The following PRKAG2 variants were observed in gnomAD, a reference collection of about 807,000 sequenced individuals.
PRKAG2 encodes the protein 5'-AMP-activated protein kinase subunit gamma-2.
In PRKAG2, 26 loss-of-function variants were observed where a neutral mutation model predicts 69.6. The observed-to-expected ratio is 0.37, with a 90% CI of 0.27 to 0.52. The LOEUF (loss-of-function observed/expected upper bound fraction) is 0.52. Among genes scored for constraint, PRKAG2 ranks in the 20% least tolerant of loss-of-function variants. The probability of loss-of-function intolerance (pLI) is 0.90; values close to 1 mark genes in which losing one functional copy is unlikely to be tolerated. For synonymous variants in PRKAG2, 293 were observed against 285.0 expected (o/e 1.03, Z -0.28); for missense variants, 557 against 740.0 (o/e 0.75, Z 2.87).
chr7:151,578,102 AG>A (rs1388352823), intron 6 of PRKAG2, among the ~76,000 whole-genome samples: 1 of 151,658 alleles, frequency 6.6e-6, no homozygotes, highest in Non-Finnish European at 1.5e-5. Flanking sequence ...GCACTCTGGG[AG>A]GCCCCCCGAG....
chr7:151,813,675 C>T (rs922200569), intron 1 of PRKAG2, among the ~76,000 whole-genome samples: 3 of 152,240 alleles, frequency 2.0e-5, no homozygotes, highest in Admixed American at 2.0e-4. Context: ...CTCCTCTCCA[C>T]CAGACAGCGG....
At chr7:151,782,230 C>T (rs2076710060) in intron 2 of PRKAG2, among the ~76,000 whole-genome samples, 2 of 151,448 alleles carry the variant, frequency 1.3e-5, no homozygotes. Flanking sequence ...TTGCAGTGAG[C>T]CGAGATGGCG....
chr7:151,771,186 T>A lies in PRKAG2; in HGVS notation c.466+9966A>T, dbSNP rs2076004262. Among the ~76,000 whole-genome samples the A allele has an allele frequency of 6.6e-6, 1 of 152,216 alleles. No homozygotes were observed. Among genetic ancestry groups the A allele is most frequent in the Non-Finnish European group, 1.5e-5 (1 of 68,046 alleles). On this transcript the variant is annotated intron_variant, in intron 3 of 15. Transcript: ENST00000287878. This position sits in a 1 kb window ranked among gnomAD's most constrained non-coding sequence, Gnocchi z 4.0. ...CATTACATGCATGATTTTTACCCTA[T>A]CTTCATTCCAGCTATGTTATTCTTT...
chr7:151,855,750 G>A (rs1311487839), intron 1 of PRKAG2, among the ~76,000 whole-genome samples: 1 of 152,158 alleles, frequency 6.6e-6, no homozygotes, highest in African/African-American at 2.4e-5. Context: ...GGCAGGCAGA[G>A]GGGTGGGGGC....
intron 1 of PRKAG2, among the ~76,000 whole-genome samples, chr7:151,849,100 C>T (rs2079509180): frequency 6.6e-6 from 1 of 152,144 alleles, no homozygotes; most frequent in African/African-American, 2.4e-5. Context: ...CTTTGTGATC[C>T]TGGAATACAG....
chr7:151,761,499 C>T (rs999944903), intron 3 of PRKAG2, among the ~76,000 whole-genome samples: 1 of 152,142 alleles, frequency 6.6e-6, no homozygotes, highest in Non-Finnish European at 1.5e-5. Flanking sequence ...GTCCTGTGGC[C>T]CCACCCAGAG....
intron 2 of PRKAG2, among the ~76,000 whole-genome samples, chr7:151,786,067 C>T (rs1050682669): frequency 6.6e-5 from 10 of 152,186 alleles, no homozygotes; most frequent in South Asian, 6.2e-4. Flanking sequence ...TGGGGGTGGG[C>T]GCTGGTGGGC....
intron 7 of PRKAG2, chr7:151,576,160 C>T (rs868581387): frequency 8.8e-6 from 5 of 566,108 alleles, no homozygotes; most frequent in African/African-American, 1.9e-5. Flanking sequence ...AGGCTGGCCT[C>T]GAACTGCTGG....
chr7:151,567,342 T>C lies in PRKAG2; in HGVS notation c.1233+1374A>G, dbSNP rs919728324. ...CTTTCTTAGCTGCATCCCTATAAAA[T>C]AGGATTAATAAAAATACCTACCTGA... On this transcript the variant is annotated intron_variant, in intron 11 of 15. Coordinates refer to ENST00000287878, the MANE Select transcript of PRKAG2 (RefSeq NM_016203.4). The surrounding 1 kb of genome is among the most constrained non-coding windows in gnomAD (Gnocchi z 4.2). 3.9e-5 allele frequency among the ~76,000 whole-genome samples: 6 copies of C among 152,136 alleles called. No homozygotes were observed. The highest frequency in any genetic ancestry group is 1.2e-4 in the African/African-American group (5 of 41,414).
chr7:151,854,997 ATGC>A (rs1563756362), intron 1 of PRKAG2, among the ~76,000 whole-genome samples: 495 of 7,892 alleles, frequency 0.063, 24 homozygotes, highest in East Asian at 0.15. Flanking sequence ...CACACACACC[ATGC>A]TCCACACACA....
At chr7:151,569,499 G>GACGGC (rs984691780) in intron 10 of PRKAG2, among the ~76,000 whole-genome samples, 4 of 152,256 alleles carry the variant, frequency 2.6e-5, no homozygotes, top group Non-Finnish European at 5.9e-5. Flanking sequence ...TCTACCCCGG[G>GACGGC]CCGGCCCGGC....
At chr7:151,645,049 C>A (rs974110175) in intron 4 of PRKAG2, among the ~76,000 whole-genome samples, 22 of 152,066 alleles carry the variant, frequency 1.4e-4, no homozygotes, top group Non-Finnish European at 2.4e-4. Context: ...ATGAATATGG[C>A]AAGCAGACTC....
At chr7:151,870,397 T>G (rs954117531) in intron 1 of PRKAG2, among the ~76,000 whole-genome samples, 1 of 152,212 alleles carries the variant, frequency 6.6e-6, no homozygotes, top group African/African-American at 2.4e-5. Context: ...TTTTATATTC[T>G]AAACAAACAC....
At chr7:151,803,569 G>A (rs1460073672) in intron 1 of PRKAG2, among the ~76,000 whole-genome samples, 2 of 152,140 alleles carry the variant, frequency 1.3e-5, no homozygotes, top group Admixed American at 1.3e-4. Flanking sequence ...CAGTCCAGTT[G>A]AAAATGATAT....
In PRKAG2 at chr7:151,614,129, A is replaced by G. The variant is rs1212423072; in HGVS notation, c.754+17940T>C. On this transcript the variant is annotated intron_variant, in intron 5 of 15. Transcript: ENST00000287878. This position sits in a 1 kb window ranked among gnomAD's most constrained non-coding sequence, Gnocchi z 4.4. ...GCCGACCAGGAGGTGCCCCGTTCCC[A>G]CGGCTATGCTGAGCGCCCCAGCCAG... is the stretch of plus-strand genomic sequence containing the variant. Among the ~76,000 whole-genome samples the G allele has an allele frequency of 6.6e-6, 1 of 151,990 alleles. No individual in the cohort carries two copies. Among genetic ancestry groups the G allele is most frequent in the Non-Finnish European group, 1.5e-5 (1 of 67,974 alleles).
chr7:151,707,247 G>A (rs1239519405), intron 3 of PRKAG2, among the ~76,000 whole-genome samples: 1 of 152,204 alleles, frequency 6.6e-6, no homozygotes, highest in African/African-American at 2.4e-5. Flanking sequence ...CTGGCAGCAG[G>A]AGAATGAACA....
intron 1 of PRKAG2, among the ~76,000 whole-genome samples, chr7:151,816,116 A>T (rs1259298981): frequency 1.3e-5 from 2 of 152,178 alleles, no homozygotes; most frequent in East Asian, 3.9e-4. Flanking sequence ...CGGCTGAGTC[A>T]GCTGGGACTT....
chr7:151,787,538 C>T (rs2077074007), intron 1 of PRKAG2, among the ~76,000 whole-genome samples: 1 of 152,188 alleles, frequency 6.6e-6, no homozygotes. Context: ...CAGTTCCCTT[C>T]CTTTTGAAGG....
At chr7:151,730,685 G>T (rs746743412) in intron 3 of PRKAG2, among the ~76,000 whole-genome samples, 1 of 152,112 alleles carries the variant, frequency 6.6e-6, no homozygotes, top group South Asian at 2.1e-4. Context: ...GGATGGGGGC[G>T]GGAGAGACCA....
Sources: gnomAD v4.1 joint callset for allele counts (sites outside exome capture counted in the v4.1 genomes callset) on GRCh38, gnomAD v4.1.1 for gene constraint, Gnocchi (gnomAD v3.1) non-coding constraint, MANE v1.5 for transcripts, NCBI Gene and HGNC (gene_info 2026-07-23, HGNC 2026-07-21) for gene names.